GHR: variants seen among roughly 807,000 people sequenced by gnomAD.
The protein encoded by GHR is growth hormone receptor.
In GHR, 35 loss-of-function variants were observed where a neutral mutation model predicts 67.1. The observed-to-expected ratio is 0.52, with a 90% CI of 0.40 to 0.69. GHR has a LOEUF of 0.69. Ranked by LOEUF, GHR falls within the 30% of genes least tolerant of loss-of-function variation. The pLI is 0.00. For synonymous variants in GHR, 272 were observed against 269.1 expected, an observed-to-expected ratio of 1.01 and a Z score of -0.10; for missense variants, 792 against 764.6, an observed-to-expected ratio of 1.04 and a Z score of -0.42.
At chr5:42,460,120 T>G (rs7709329) in intron 1 of GHR, among the ~76,000 whole-genome samples, 3,355 of 152,240 alleles carry the variant, frequency 0.022, 122 homozygotes, top group African/African-American at 0.077. Context: ...TTCTCTCTCT[T>G]TGCTATATGA....
intron 1 of GHR, among the ~76,000 whole-genome samples, chr5:42,488,063 C>T (rs1196714008): frequency 6.6e-6 from 1 of 152,214 alleles, no homozygotes; most frequent in Admixed American, 6.5e-5. Context: ...AGTCTACTTG[C>T]TGTGTGCATG....
At chr5:42,476,283 C>G (rs1199632148) in intron 1 of GHR, among the ~76,000 whole-genome samples, 1 of 148,462 alleles carries the variant, frequency 6.7e-6, no homozygotes, top group African/African-American at 2.5e-5. Flanking sequence ...TGCAGTGGCA[C>G]AATCTCGGCT....
chr5:42,671,772 C>A (rs562221891), intron 3 of GHR, among the ~76,000 whole-genome samples: 2 of 151,340 alleles, frequency 1.3e-5, no homozygotes, highest in Non-Finnish European at 2.9e-5. Flanking sequence ...CCGGCTAAAA[C>A]GGTGAAACCC....
chr5:42,490,571 T>C (rs1386303553), intron 1 of GHR, among the ~76,000 whole-genome samples: 5 of 152,244 alleles, frequency 3.3e-5, no homozygotes, highest in Admixed American at 6.5e-5. Context: ...TGGCCCCCAG[T>C]ATCCTGCTTT....
At chr5:42,467,843 G>T in intron 1 of GHR, 1 of 1,044,394 alleles carries the variant, frequency 9.6e-7, no homozygotes, top group Non-Finnish European at 1.4e-6. Flanking sequence ...ATTGTTAACA[G>T]TGTCAGAATT....
rs192784193 is a variant in GHR, at chr5:42,583,906, C to A, written c.70+17962C>A. The stretch of plus-strand genomic sequence containing the variant: ...ATATATATATATATATAAATTCTTA[C>A]AGTTTAGAAGCTTCCAGTCACCAGG... On this transcript the variant is annotated intron_variant, in intron 2 of 9. Coordinates refer to ENST00000230882, the MANE Select transcript of GHR (RefSeq NM_000163.5). Among the ~76,000 whole-genome samples, 425 of 145,648 alleles carry A rather than the reference C, an allele frequency of 2.9e-3. 3 individuals carry two copies. The highest frequency in any genetic ancestry group is 0.01 in the African/African-American group (413 of 40,270).
At chr5:42,699,215 G>A (rs1340516755) in intron 5 of GHR, among the ~76,000 whole-genome samples, 2 of 152,162 alleles carry the variant, frequency 1.3e-5, no homozygotes, top group Non-Finnish European at 2.9e-5. Context: ...GAGTAAAAAA[G>A]GATAATGGCT....
At chr5:42,671,745 A>G (rs980279678) in intron 3 of GHR, among the ~76,000 whole-genome samples, 1 of 151,874 alleles carries the variant, frequency 6.6e-6, no homozygotes, top group Admixed American at 6.5e-5. Context: ...TCACGAGGTC[A>G]GGAGATCGAG....
intron 1 of GHR, chr5:42,425,117 A>C: frequency 1.7e-6 from 1 of 588,676 alleles, no homozygotes; most frequent in Non-Finnish European, 2.1e-6. Context: ...AAATAACTAA[A>C]CGCATTGCCC....
At chr5:42,453,983 T>G (rs1605851) in intron 1 of GHR, among the ~76,000 whole-genome samples, 33,006 of 152,212 alleles carry the variant, frequency 0.22, 3,924 homozygotes, top group African/African-American at 0.29. Flanking sequence ...TTTGTCTCAC[T>G]TAGTGATTCC....
intron 1 of GHR, among the ~76,000 whole-genome samples, chr5:42,534,070 GTATGTATA>G (rs935883704): frequency 3.4e-5 from 5 of 149,138 alleles, no homozygotes; most frequent in Admixed American, 6.8e-5. Flanking sequence ...ATATATGTAC[GTATGTATA>G]TATGTATATA....
At chr5:42,528,740 A>T (rs1424855351) in intron 1 of GHR, among the ~76,000 whole-genome samples, 1 of 152,164 alleles carries the variant, frequency 6.6e-6, no homozygotes, top group African/African-American at 2.4e-5. Flanking sequence ...TGAAAGGAAG[A>T]ATCAATCAGT....
At position 42,700,012 on chromosome 5, in the gene GHR, T is replaced by C; in HGVS notation, c.618+10T>C. Reference sequence around the variant, plus strand: ...AACTAAATGGAAAATGGTAAGATGTTGCTACACCTTACACTTTGACTTTTC... The same window carrying C: ...AACTAAATGGAAAATGGTAAGATGTCGCTACACCTTACACTTTGACTTTTC... On this transcript the variant is annotated intron_variant, in intron 6 of 9. Coordinates refer to ENST00000230882, the MANE Select transcript of GHR (RefSeq NM_000163.5). 1 of 1,515,258 alleles carries C rather than the reference T, an allele frequency of 6.6e-7. No individual in the cohort carries two copies. 93.9% of individuals were successfully genotyped at this position (1,515,258 alleles called of 1,614,324 possible).
intron 1 of GHR, among the ~76,000 whole-genome samples, chr5:42,535,004 G>GT (rs576021283): frequency 2.0e-5 from 3 of 151,642 alleles, no homozygotes; most frequent in Non-Finnish European, 2.9e-5. Flanking sequence ...GAGATTGCTT[G>GT]TTTTTTTATT....
At chr5:42,465,935 CT>C in intron 1 of GHR, 1 of 694,066 alleles carries the variant, frequency 1.4e-6, no homozygotes, top group South Asian at 1.7e-5. Context: ...CCTTTCTGGT[CT>C]TCTATCAGTT....
At chr5:42,482,134 G>T (rs551484050) in intron 1 of GHR, among the ~76,000 whole-genome samples, 1 of 151,962 alleles carries the variant, frequency 6.6e-6, no homozygotes, top group Non-Finnish European at 1.5e-5. Context: ...ATTGGAGTTT[G>T]CTAGACGTCC....
At chr5:42,611,488 A>C (rs1359417812) in intron 2 of GHR, among the ~76,000 whole-genome samples, 1 of 152,182 alleles carries the variant, frequency 6.6e-6, no homozygotes, top group East Asian at 1.9e-4. Context: ...ATTAATCAAC[A>C]TGTATTTATT....
At chr5:42,625,532 T>C (rs1561178088) in intron 2 of GHR, among the ~76,000 whole-genome samples, 1 of 152,168 alleles carries the variant, frequency 6.6e-6, no homozygotes, top group Non-Finnish European at 1.5e-5. Flanking sequence ...TGAGAACATG[T>C]GCCCAAGGTG....
intron 1 of GHR, among the ~76,000 whole-genome samples, chr5:42,502,954 T>C (rs1051470375): frequency 2.0e-5 from 3 of 151,984 alleles, no homozygotes; most frequent in Admixed American, 6.6e-5. Flanking sequence ...AGGTTCAGTG[T>C]TTAACTGGGA....
Sources: allele counts gnomAD v4.1 joint callset (sites outside exome capture counted in the v4.1 genomes callset), GRCh38; gene constraint gnomAD v4.1.1; transcripts MANE v1.5; gene names NCBI Gene and HGNC (gene_info 2026-07-23, HGNC 2026-07-21).